The following CREB3L2 variants were observed in gnomAD, a reference collection of about 807,000 sequenced individuals.
CREB3L2 encodes cyclic AMP-responsive element-binding protein 3-like protein 2.
Under a neutral mutation model 57.2 loss-of-function variants are expected in CREB3L2, and 23 were observed. The observed-to-expected ratio is 0.40, with a 90% CI of 0.29 to 0.57. The LOEUF (loss-of-function observed/expected upper bound fraction) is 0.57. Ranked by LOEUF, CREB3L2 falls within the 20% of genes least tolerant of loss-of-function variation. The pLI, the probability that CREB3L2 is intolerant of heterozygous loss-of-function variation, is 0.42. For synonymous variants in CREB3L2, 268 were observed against 265.1 expected (o/e 1.01, Z -0.11); for missense variants, 628 against 634.7 (o/e 0.99, Z 0.11).
At chr7:137,997,550 G>A (rs1183321355) in intron 1 of CREB3L2, among the ~76,000 whole-genome samples, 3 of 95,600 alleles carry the variant, frequency 3.1e-5, no homozygotes, top group African/African-American at 6.8e-5. Flanking sequence ...CTGAGATCCC[G>A]TTTCTACCAA....
chr7:137,926,361 G>T (rs891012557), intron 2 of CREB3L2, among the ~76,000 whole-genome samples: 3 of 152,148 alleles, frequency 2.0e-5, no homozygotes, highest in African/African-American at 7.2e-5. Flanking sequence ...ACTGGATAAA[G>T]AAAATGTAAC....
rs1563262371 is a variant in CREB3L2 at position 137,946,924 on chromosome 7, TTATATATATAGTTATATATATAGTTA to T, written c.103-18584_103-18559del. Among the ~76,000 whole-genome samples, 21 of 20,570 alleles carry T rather than the reference TTATATATATAGTTATATATATAGTTA, an allele frequency of 1.0e-3. 2 individuals carry two copies. Among genetic ancestry groups the T allele is most frequent in the African/African-American group, 1.8e-3 (7 of 3,994 alleles). 13.5% of individuals were successfully genotyped at this position (20,570 alleles called of 152,430 possible). On this transcript the variant is annotated intron_variant, in intron 1 of 11. Coordinates refer to ENST00000330387, the MANE Select transcript of CREB3L2 (RefSeq NM_194071.4). ...GTTATATATATAGTTATATATATAG[TTATATATATAGTTATATATATAGTTA>T]TATATATATAGTTATATATATAGTT... is the stretch of plus-strand genomic sequence containing the variant.
At chr7:137,906,167 C>T (rs923482647) in intron 5 of CREB3L2, among the ~76,000 whole-genome samples, 1 of 152,232 alleles carries the variant, frequency 6.6e-6, no homozygotes, top group African/African-American at 2.4e-5. Context: ...TTCCCACATC[C>T]CTAGAGATTT....
intron 1 of CREB3L2, among the ~76,000 whole-genome samples, chr7:137,932,518 A>G (rs541900056): frequency 7.2e-5 from 11 of 152,230 alleles, no homozygotes; most frequent in South Asian, 2.1e-4. Context: ...AAATGGCTTG[A>G]GCCTAGGAGT....
At chr7:137,999,698 T>G (rs963338256) in intron 1 of CREB3L2, 2 of 152,218 alleles carry the variant, frequency 1.3e-5, no homozygotes, top group African/African-American at 4.8e-5. Flanking sequence ...TCATTTGTGC[T>G]GCTAAACCAA....
Position 137,883,623 on chromosome 7 carries a change from T to C in CREB3L2, c.1271-995A>G, listed in dbSNP as rs1266920850. Among the ~76,000 whole-genome samples, 16 of 152,194 alleles carry C rather than the reference T, an allele frequency of 1.1e-4. 1 individual carries two copies. Among genetic ancestry groups the C allele is most frequent in the Admixed American group, 9.8e-4 (15 of 15,282 alleles). On this transcript the variant is annotated intron_variant, in intron 10 of 11. Transcript: ENST00000330387. ...GAACAATTCTAACCATATCTTCTAA[T>C]AAAAGTTACATGAATGTGGCCTCTC...
intron 5 of CREB3L2, among the ~76,000 whole-genome samples, chr7:137,906,721 G>A (rs1057340938): frequency 1.3e-5 from 2 of 152,196 alleles, no homozygotes; most frequent in Admixed American, 1.3e-4. Context: ...GAATTATGGG[G>A]TGAGTCTTTC....
chr7:137,903,761 C>CT (rs1180435842), intron 7 of CREB3L2, among the ~76,000 whole-genome samples, 198 bp downstream of exon 7: 1 of 152,204 alleles, frequency 6.6e-6, no homozygotes, highest in African/African-American at 2.4e-5. Flanking sequence ...TACTAAGGTA[C>CT]TTTCACTTCT....
chr7:137,924,645 C>A (rs1800410462), intron 2 of CREB3L2, among the ~76,000 whole-genome samples: 1 of 150,952 alleles, frequency 6.6e-6, no homozygotes, highest in African/African-American at 2.4e-5. Context: ...TTCCTTCTTC[C>A]TTTTTTTTTG....
chr7:137,955,864 A>G (rs2117278297), intron 1 of CREB3L2, among the ~76,000 whole-genome samples: 1 of 152,316 alleles, frequency 6.6e-6, no homozygotes, highest in East Asian at 1.9e-4. Flanking sequence ...CAAAAATTCA[A>G]AAAATTACAA....
chr7:137,954,127 C>G (rs983855826), intron 1 of CREB3L2, among the ~76,000 whole-genome samples: 1 of 151,952 alleles, frequency 6.6e-6, no homozygotes, highest in Non-Finnish European at 1.5e-5. Flanking sequence ...GCCCTTTGAC[C>G]TTGAGATACA....
intron 1 of CREB3L2, among the ~76,000 whole-genome samples, chr7:137,949,510 T>C (rs2117269204): frequency 6.6e-6 from 1 of 152,324 alleles, no homozygotes; most frequent in African/African-American, 2.4e-5. Flanking sequence ...GTTACTTCCT[T>C]ATATTTCGCT....
intron 1 of CREB3L2, among the ~76,000 whole-genome samples, chr7:137,979,643 G>A (rs957284205): frequency 1.9e-4 from 29 of 152,218 alleles, no homozygotes; most frequent in African/African-American, 6.3e-4. Flanking sequence ...GGAGAATGGC[G>A]TGAACCCGAG....
rs1168060908 is a variant in CREB3L2, at chr7:137,899,043, AAAAG to A, written c.1043+2307_1043+2310del. Among the ~76,000 whole-genome samples the A allele has an allele frequency of 5.4e-5, 8 of 149,518 alleles. No individual in the cohort carries two copies. In the East Asian group the frequency reaches 9.9e-4, roughly 18 times the overall value. ...AGGAAGGGAAGGAAGAAAGGAAGAA[AAAAG>A]AAAGAAAGAAAAAGAAAGAGAAAGA... On this transcript the variant is annotated intron_variant, in intron 8 of 11. Transcript: ENST00000330387.
At chr7:137,976,214 T>C (rs1801605594) in intron 1 of CREB3L2, among the ~76,000 whole-genome samples, 1 of 152,242 alleles carries the variant, frequency 6.6e-6, no homozygotes, top group Admixed American at 6.5e-5. Flanking sequence ...GGGGTCCCTT[T>C]CCTAAATATA....
At chr7:137,956,644 A>G in intron 1 of CREB3L2, 2 of 1,288,784 alleles carry the variant, frequency 1.6e-6, no homozygotes, top group Non-Finnish European at 2.0e-6. Flanking sequence ...CCAGCAGCCC[A>G]GGTAAGCCAT....
intron 1 of CREB3L2, among the ~76,000 whole-genome samples, chr7:137,946,311 T>A (rs1488520466): frequency 6.6e-6 from 1 of 151,886 alleles, no homozygotes; most frequent in Non-Finnish European, 1.5e-5. Flanking sequence ...ACGGAGATTA[T>A]CCTGAGCGGG....
Position 137,875,564 on chromosome 7 carries a change from G to GCC in CREB3L2, c.*4911_*4912insGG, listed in dbSNP as rs1399084891. 45 of 223,752 alleles carry GCC rather than the reference G, an allele frequency of 2.0e-4. No homozygotes were observed. The East Asian group carries it at 2.9e-3, about 14-fold the overall frequency. 13.9% of individuals were successfully genotyped at this position (223,752 alleles called of 1,614,324 possible). ...ATAGGAGATGGACACCTGGGGGACT[G>GCC]CTCCAGCACGAAGGGAAGCGATGAG... On this transcript the variant is annotated 3_prime_UTR_variant, in exon 12 of 12. Coordinates refer to ENST00000330387, the MANE Select transcript of CREB3L2 (RefSeq NM_194071.4).
Position 137,885,522 on chromosome 7 carries a change from C to T in CREB3L2, c.1044-20G>A. On this transcript the variant is annotated intron_variant, in intron 8 of 11. Coordinates refer to ENST00000330387, the MANE Select transcript of CREB3L2 (RefSeq NM_194071.4). ...AGAGTCCTGCCAATGATAACAACAGCCGTGAGGGGAGTCTGACAGAGAAGA... is the reference window on the plus strand; with the variant it reads ...AGAGTCCTGCCAATGATAACAACAGTCGTGAGGGGAGTCTGACAGAGAAGA... 1 of 1,574,638 alleles carries T rather than the reference C, an allele frequency of 6.4e-7. No individual in the cohort carries two copies. Among genetic ancestry groups the T allele is most frequent in the Non-Finnish European group, 8.7e-7 (1 of 1,144,102 alleles).
Sources: gnomAD v4.1 joint callset for allele counts (sites outside exome capture counted in the v4.1 genomes callset) on GRCh38, gnomAD v4.1.1 for gene constraint, MANE v1.5 for transcripts, NCBI Gene and HGNC (gene_info 2026-07-23, HGNC 2026-07-21) for gene names.